The following ANKRD29 variants were observed in gnomAD, a reference collection of about 807,000 sequenced individuals.
ANKRD29 encodes ankyrin repeat domain 29.
A neutral mutation model predicts 38.0 loss-of-function variants in ANKRD29; 32 were observed. The observed-to-expected ratio is 0.84, with a 90% confidence interval of 0.64 to 1.13. The LOEUF is 1.13. Among genes scored for constraint, ANKRD29 ranks in the 50% most tolerant of loss-of-function variants. The pLI is 0.00. For missense variants in ANKRD29, 357 were observed against 377.9 expected (o/e 0.94, Z 0.46); for synonymous variants, 135 against 152.4 (o/e 0.89, Z 0.84).
At chr18:23,624,784 C>T (rs776741266) in intron 6 of ANKRD29, among the ~76,000 whole-genome samples, 7 of 152,218 alleles carry the variant, frequency 4.6e-5, no homozygotes, top group Middle Eastern at 3.4e-3. Context: ...ATTCGAGTAC[C>T]GATGGATGGC....
chr18:23,630,806 T>G (rs542666773), intron 5 of ANKRD29, among the ~76,000 whole-genome samples: 3 of 150,622 alleles, frequency 2.0e-5, no homozygotes, highest in South Asian at 4.2e-4. Flanking sequence ...AAAAATTCTT[T>G]TTTTTTTTAA....
intron 9 of ANKRD29, among the ~76,000 whole-genome samples, chr18:23,605,678 G>A (rs2059566817): frequency 6.6e-6 from 1 of 151,384 alleles, no homozygotes; most frequent in Non-Finnish European, 1.5e-5. Context: ...AGGCATGCGC[G>A]ACCATGCCTG....
intron 2 of ANKRD29, chr18:23,648,304 G>A (rs971320482): frequency 6.6e-6 from 1 of 152,242 alleles, no homozygotes; most frequent in African/African-American, 2.4e-5. Flanking sequence ...ATGCCCCCAC[G>A]GGGCCAACTG....
chr18:23,645,125 A>T lies in ANKRD29; in HGVS notation c.231+1064T>A, dbSNP rs543078368. ...TGGACCAAGGAAAACCAAGTGGTTC[A>T]GTCTGGACTTGCCCAGGAAGCCCAT... is the stretch of plus-strand genomic sequence containing the variant. On this transcript the variant is annotated intron_variant, in intron 3 of 9. Transcript: ENST00000592179. Among the ~76,000 whole-genome samples, 6 of 152,350 alleles carry T rather than the reference A, an allele frequency of 3.9e-5. No homozygotes were observed. In the East Asian group the frequency reaches 1.2e-3, roughly 29 times the overall value.
At chr18:23,639,008 C>A in intron 3 of ANKRD29, 61 bp from the exon 4 acceptor site, 1 of 1,307,842 alleles carries the variant, frequency 7.6e-7, no homozygotes, top group South Asian at 1.4e-5. Context: ...TTGATTTGAA[C>A]ATCTGCAAAG....
At chr18:23,654,056 G>A (rs1371497552) in intron 1 of ANKRD29, among the ~76,000 whole-genome samples, 1 of 151,550 alleles carries the variant, frequency 6.6e-6, no homozygotes, top group Non-Finnish European at 1.5e-5. Flanking sequence ...TCATGAGGTC[G>A]AGAGATCAAA....
At chr18:23,637,728 T>A (rs1439963137) in intron 4 of ANKRD29, among the ~76,000 whole-genome samples, 1 of 151,902 alleles carries the variant, frequency 6.6e-6, no homozygotes, top group Non-Finnish European at 1.5e-5. Flanking sequence ...AGAAAAAAAA[T>A]CCCACTGGAA....
chr18:23,617,731 C>T lies in ANKRD29; in HGVS notation c.723+1G>A. The T allele has an allele frequency of 6.2e-7, 1 of 1,612,004 alleles. No individual in the cohort carries two copies. Among genetic ancestry groups the T allele is most frequent in the Non-Finnish European group, 8.5e-7 (1 of 1,178,142 alleles). On this transcript the variant is annotated splice_donor_variant, in intron 8 of 9. Transcript: ENST00000592179. LOFTEE classifies it high-confidence loss of function. ...TAGTAAAATTTATCTTTAGGTCTTACCTTCAAAATACCAAGAGTGGGTGAG... is the reference window on the plus strand; with the variant it reads ...TAGTAAAATTTATCTTTAGGTCTTATCTTCAAAATACCAAGAGTGGGTGAG...
At chr18:23,633,999 C>T in intron 5 of ANKRD29, 52 bp downstream of exon 5, 2 of 1,570,858 alleles carry the variant, frequency 1.3e-6, no homozygotes, top group Non-Finnish European at 1.8e-6. Context: ...ATTTAGACTG[C>T]AATTTTGTAT....
intron 6 of ANKRD29, among the ~76,000 whole-genome samples, chr18:23,629,110 A>G (rs1381916130): frequency 6.6e-6 from 1 of 152,178 alleles, no homozygotes; most frequent in African/African-American, 2.4e-5. Context: ...TCAGCCTCCC[A>G]AGTAGCTGGG....
At chr18:23,638,109 T>G (rs2060026339) in intron 4 of ANKRD29, among the ~76,000 whole-genome samples, 1 of 148,392 alleles carries the variant, frequency 6.7e-6, no homozygotes, top group African/African-American at 2.5e-5. Context: ...GTGATTCTCC[T>G]ACCTCAGCCT....
chr18:23,641,032 G>T (rs1205801118), intron 3 of ANKRD29, among the ~76,000 whole-genome samples: 1 of 152,046 alleles, frequency 6.6e-6, no homozygotes, highest in African/African-American at 2.4e-5. Context: ...GAGACAGGCA[G>T]GATCCACCCA....
chr18:23,609,186 G>C (rs919715279), intron 9 of ANKRD29: 4 of 151,624 alleles, frequency 2.6e-5, no homozygotes, highest in African/African-American at 9.7e-5. Flanking sequence ...CATCACTATT[G>C]TAAGACCTAA....
At chr18:23,629,808 C>T (rs2059906358) in intron 6 of ANKRD29, 45 bp downstream of exon 6, 1 of 1,546,760 alleles carries the variant, frequency 6.5e-7, no homozygotes, top group Non-Finnish European at 8.9e-7. Context: ...GCCCTCCCTG[C>T]CCCATGCGCC....
chr18:23,628,833 CAA>C (rs60035025), intron 6 of ANKRD29, among the ~76,000 whole-genome samples: 6,194 of 128,844 alleles, frequency 0.048, 329 homozygotes, highest in African/African-American at 0.14. Flanking sequence ...GACGCTGTCT[CAA>C]AAAAAAAAAA....
intron 9 of ANKRD29, chr18:23,609,399 T>A (rs927534042): frequency 6.6e-6 from 1 of 152,156 alleles, no homozygotes; most frequent in Non-Finnish European, 1.5e-5. Context: ...CGCCAAATTA[T>A]CTTTAAAAAC....
chr18:23,662,811 C>A lies in ANKRD29; in HGVS notation c.-81G>T, dbSNP rs1261247518. ...TCCCCGGCCCTTCACTCTCCCGGGG[C>A]TCTCGGCGTTCCGCAGAGGGGCGGC... On this transcript the variant is annotated 5_prime_UTR_variant, in exon 1 of 10. Transcript: ENST00000592179. 11 of 1,242,894 alleles carry A rather than the reference C, an allele frequency of 8.9e-6. No individual in the cohort carries two copies. The highest frequency in any genetic ancestry group is 8.1e-6 in the Non-Finnish European group (8 of 986,522). The allele number at this position is 1,242,894 out of a possible 1,614,324, so 77.0% of individuals were successfully genotyped here.
At chr18:23,632,467 T>C (rs1225618428) in intron 5 of ANKRD29, among the ~76,000 whole-genome samples, 1 of 151,026 alleles carries the variant, frequency 6.6e-6, no homozygotes, top group Non-Finnish European at 1.5e-5. Context: ...GAAATTACTA[T>C]GGGAAGGGGC....
chr18:23,617,171 C>G (rs559317287), intron 8 of ANKRD29, among the ~76,000 whole-genome samples: 1 of 152,112 alleles, frequency 6.6e-6, no homozygotes, highest in Non-Finnish European at 1.5e-5. Context: ...GAGCCGAGAT[C>G]GTGCCATTGC....
Sources: gnomAD v4.1 joint callset for allele counts (sites outside exome capture counted in the v4.1 genomes callset) on GRCh38, gnomAD v4.1.1 for gene constraint, MANE v1.5 for transcripts, NCBI Gene and HGNC (gene_info 2026-07-23, HGNC 2026-07-21) for gene names.